SLC30A9: variants seen among roughly 807,000 people sequenced by gnomAD.
SLC30A9 encodes the protein solute carrier family 30 member 9.
A neutral mutation model predicts 87.5 loss-of-function variants in SLC30A9; 58 were observed. That is an observed-to-expected ratio of 0.66 (90% CI 0.54 to 0.82). SLC30A9 has a LOEUF of 0.82. SLC30A9 is among the 40% of genes least tolerant of loss of function. The pLI, the probability that SLC30A9 is intolerant of heterozygous loss-of-function variation, is 0.00. For missense variants in SLC30A9, 557 were observed against 679.1 expected (o/e 0.82, Z 2.00); for synonymous variants, 234 against 233.0 (o/e 1.00, Z -0.04).
Position 42,065,466 on chromosome 4 carries a change from A to C in SLC30A9, c.1072+117A>C, listed in dbSNP as rs1718044321. ...AAGAAAAGCAAGTGTGGGAATAGGC[A>C]TCTAAGCTTTCTCTACTTTTAGGGA... is the stretch of plus-strand genomic sequence containing the variant. On this transcript the variant is annotated intron_variant, in intron 12 of 17. Coordinates refer to ENST00000264451, the MANE Select transcript of SLC30A9 (RefSeq NM_006345.4). 3 of 673,302 alleles carry C rather than the reference A, an allele frequency of 4.5e-6. No homozygotes were observed. In the East Asian group the frequency reaches 7.9e-5, roughly 18 times the overall value. 41.7% of individuals were successfully genotyped at this position (673,302 alleles called of 1,614,324 possible).
chr4:42,023,962 C>T (rs908398994), intron 6 of SLC30A9, among the ~76,000 whole-genome samples: 2 of 152,044 alleles, frequency 1.3e-5, no homozygotes, highest in South Asian at 2.1e-4. Context: ...TGGGGGAGAC[C>T]ATCCCCATGA....
intron 6 of SLC30A9, chr4:42,030,119 G>T: frequency 1.1e-6 from 1 of 915,290 alleles, no homozygotes. Context: ...GAAGTTAAGA[G>T]CTGATCACAA....
At chr4:42,017,812 G>T (rs1328888751) in intron 2 of SLC30A9, among the ~76,000 whole-genome samples, 1 of 152,070 alleles carries the variant, frequency 6.6e-6, no homozygotes, top group Admixed American at 6.6e-5. Flanking sequence ...ACCCTTTAAA[G>T]AAATTCCTAT....
intron 12 of SLC30A9, among the ~76,000 whole-genome samples, chr4:42,065,890 A>G (rs1718060839): frequency 6.6e-6 from 1 of 152,260 alleles, no homozygotes. Flanking sequence ...GTATCATACC[A>G]TAATACTCAA....
intron 6 of SLC30A9, among the ~76,000 whole-genome samples, chr4:42,030,337 A>AATTGATTTTCTTTACAAAAAT (rs1387568315): frequency 6.6e-6 from 1 of 152,226 alleles, no homozygotes; most frequent in Non-Finnish European, 1.5e-5. Flanking sequence ...TGTAAATGAC[A>AATTGATTTTCTTTACAAAAAT]AAAGAAAAAT....
chr4:42,022,994 T>C, intron 5 of SLC30A9, 64 bp downstream of exon 5: 8 of 908,142 alleles, frequency 8.8e-6, no homozygotes, highest in Non-Finnish European at 1.2e-5. Flanking sequence ...AAAATACATT[T>C]TAGACAGAGT....
chr4:42,047,972 C>G (rs1208121415), intron 8 of SLC30A9, among the ~76,000 whole-genome samples: 1 of 151,614 alleles, frequency 6.6e-6, no homozygotes, highest in East Asian at 1.9e-4. Flanking sequence ...CAGACTAGCA[C>G]AAGAACAGAA....
chr4:42,068,541 G>A (rs1418774037), intron 14 of SLC30A9, among the ~76,000 whole-genome samples: 5 of 152,174 alleles, frequency 3.3e-5, no homozygotes, highest in African/African-American at 1.2e-4. Context: ...CACCACGCCC[G>A]GCCGGAACTT....
chr4:42,038,683 T>C (rs1425222573), intron 7 of SLC30A9, among the ~76,000 whole-genome samples: 1 of 152,206 alleles, frequency 6.6e-6, no homozygotes, highest in Non-Finnish European at 1.5e-5. Context: ...AGCATATGAA[T>C]TTCAGCACAG....
In SLC30A9 at chr4:42,020,501, C is replaced by G; in HGVS notation, c.420C>G (p.Phe140Leu). 6.3e-7 allele frequency: 1 copy of G among 1,585,820 alleles called. No homozygotes were observed. The highest frequency in any genetic ancestry group is 8.6e-7 in the Non-Finnish European group (1 of 1,158,132). Residue 140 changes from phenylalanine (F) to leucine (L), a missense_variant, in exon 4 of 18, where the codon TTC (phenylalanine) becomes TTG (leucine). Around this residue, in one of 2 missense-constraint regions of SLC30A9, gnomAD observed 467 missense variants for 529.8 expected, o/e 0.88. Transcript: ENST00000264451. The part of the protein sequence containing the change: ...FITGVRAINE[F>L]CLKSSDLEQL... ...CTGGAGTCAGAGCGATAAATGAGTT[C>G]TGCCTCAAATCCAGGTAATTTTTTT...
chr4:42,000,319 T>C (rs1170405047), intron 1 of SLC30A9, among the ~76,000 whole-genome samples: 2 of 152,124 alleles, frequency 1.3e-5, no homozygotes, highest in Non-Finnish European at 2.9e-5. Flanking sequence ...AGAACACCAG[T>C]GGCCAGGATG....
intron 2 of SLC30A9, among the ~76,000 whole-genome samples, chr4:42,014,550 C>T (rs1221335403): frequency 1.3e-4 from 14 of 108,862 alleles, no homozygotes; most frequent in African/African-American, 2.1e-4. Context: ...AGCGAGACTC[C>T]GTCGCAAAAA....
At chr4:42,078,782 G>A (rs2153141300) in intron 17 of SLC30A9, 1 of 152,434 alleles carries the variant, frequency 6.6e-6, no homozygotes, top group South Asian at 2.1e-4. Flanking sequence ...TATTGATTAT[G>A]TTACTGAAAT....
intron 2 of SLC30A9, among the ~76,000 whole-genome samples, chr4:42,012,025 A>G (rs1484510596): frequency 1.6e-5 from 2 of 128,258 alleles, no homozygotes; most frequent in Admixed American, 8.9e-5. Flanking sequence ...TTTAATAGGT[A>G]GAGAAATGGT....
chr4:42,006,177 A>G (rs1715193153), intron 2 of SLC30A9, among the ~76,000 whole-genome samples: 1 of 152,240 alleles, frequency 6.6e-6, no homozygotes, highest in Non-Finnish European at 1.5e-5. Flanking sequence ...CAAATACTGC[A>G]CCATTTTATA....
At chr4:42,024,221 C>T (rs1716093700) in intron 6 of SLC30A9, among the ~76,000 whole-genome samples, 1 of 152,180 alleles carries the variant, frequency 6.6e-6, no homozygotes, top group Non-Finnish European at 1.5e-5. Flanking sequence ...TGTGGTGGCA[C>T]ATGTCTATAG....
intron 2 of SLC30A9, among the ~76,000 whole-genome samples, chr4:42,010,662 A>G (rs896339012): frequency 8.5e-5 from 13 of 152,198 alleles, no homozygotes; most frequent in African/African-American, 3.1e-4. Flanking sequence ...TGCTTCATAT[A>G]AGCTTTGAAA....
intron 1 of SLC30A9, among the ~76,000 whole-genome samples, chr4:42,001,106 C>G (rs1213887805): frequency 6.6e-6 from 1 of 151,962 alleles, no homozygotes; most frequent in Non-Finnish European, 1.5e-5. Context: ...ATTAAAATTC[C>G]CCATTTACTG....
At chr4:42,070,803 C>T (rs1718284217) in intron 15 of SLC30A9, 112 bp downstream of exon 15, 2 of 756,470 alleles carry the variant, frequency 2.6e-6, no homozygotes, top group Non-Finnish European at 4.0e-6. Context: ...GTCTTCAGAA[C>T]GTTTTAGTCT....
Sources: allele counts gnomAD v4.1 joint callset (sites outside exome capture counted in the v4.1 genomes callset), GRCh38; gene constraint gnomAD v4.1.1; regional missense constraint gnomAD v4.1.1; transcripts MANE v1.5; gene names NCBI Gene and HGNC (gene_info 2026-07-23, HGNC 2026-07-21).